The following FAM219A variants were observed in gnomAD, a reference collection of about 807,000 sequenced individuals.
The protein encoded by FAM219A is protein FAM219A.
In FAM219A, 7 loss-of-function variants were observed where a neutral mutation model predicts 23.4. The observed-to-expected ratio is 0.30, with a 90% confidence interval of 0.17 to 0.56. The LOEUF (loss-of-function observed/expected upper bound fraction) is 0.56, where lower values mean the gene tolerates loss of function less well. Ranked by LOEUF, FAM219A falls within the 20% of genes least tolerant of loss-of-function variation. The pLI is 0.92. For missense variants in FAM219A, 166 were observed against 246.9 expected, an observed-to-expected ratio of 0.67 and a Z score of 2.20; for synonymous variants, 93 against 99.0, an observed-to-expected ratio of 0.94 and a Z score of 0.36.
chr9:34,437,911 A>G (rs562630723), intron 1 of FAM219A, among the ~76,000 whole-genome samples: 167 of 152,292 alleles, frequency 1.1e-3, no homozygotes, highest in Non-Finnish European at 1.8e-3. Flanking sequence ...CTCAGCTTGC[A>G]GGGAGGTGTG....
Position 34,458,180 on chromosome 9 carries a change from C to T in FAM219A, c.60+24G>A. ...CAAGCGACGCCCCCTCCGGCCTTGG[C>T]CTGCCCGCCGCCCGCCCCCTCACCA... On this transcript the variant is annotated intron_variant, in intron 1 of 5. Coordinates refer to ENST00000651358, the MANE Select transcript of FAM219A (RefSeq NM_001184940.2). The surrounding 1 kb of genome is among the most constrained non-coding windows in gnomAD (Gnocchi z 6.6). 6.3e-7 allele frequency: 1 copy of T among 1,576,716 alleles called. No individual in the cohort carries two copies. Among genetic ancestry groups the T allele is most frequent in the Non-Finnish European group, 8.6e-7 (1 of 1,167,744 alleles).
chr9:34,448,463 T>C (rs1318214013), intron 1 of FAM219A, among the ~76,000 whole-genome samples: 1 of 152,212 alleles, frequency 6.6e-6, no homozygotes, highest in Non-Finnish European at 1.5e-5. Context: ...CAACTACTGA[T>C]CAAGGGGCAT....
At chr9:34,401,529 G>A (rs1331884110) in intron 5 of FAM219A, 137 bp downstream of exon 5, 34 of 967,876 alleles carry the variant, frequency 3.5e-5, no homozygotes, top group South Asian at 2.9e-4. Flanking sequence ...CCTATCCCAG[G>A]CCCACCCTGT....
intron 1 of FAM219A, among the ~76,000 whole-genome samples, chr9:34,434,802 A>G (rs187290197): frequency 8.6e-5 from 13 of 150,378 alleles, no homozygotes; most frequent in South Asian, 8.4e-4. Flanking sequence ...TATCTGCTCA[A>G]TGTTGATGGT....
chr9:34,407,167 T>C (rs971353608), intron 1 of FAM219A, among the ~76,000 whole-genome samples: 2 of 151,996 alleles, frequency 1.3e-5, no homozygotes, highest in Admixed American at 1.3e-4. Flanking sequence ...TCCAGGGCCG[T>C]GCAAGTGGCT....
chr9:34,402,651 A>T (rs1821489845), intron 3 of FAM219A, 54 bp downstream of exon 3: 1 of 1,594,522 alleles, frequency 6.3e-7, no homozygotes. Context: ...GCTCAGGACC[A>T]GCAGAAATAG....
intron 1 of FAM219A, among the ~76,000 whole-genome samples, chr9:34,454,229 AGATT>A (rs1458146621): frequency 1.3e-5 from 2 of 152,204 alleles, no homozygotes; most frequent in Non-Finnish European, 2.9e-5. Context: ...TGAGGTCGAG[AGATT>A]GATACCATCC....
intron 1 of FAM219A, among the ~76,000 whole-genome samples, chr9:34,418,564 T>TG (rs1822124548): frequency 6.6e-6 from 1 of 152,236 alleles, no homozygotes; most frequent in Non-Finnish European, 1.5e-5. Context: ...CTCCTGGCCC[T>TG]CATCCCCTTA....
intron 4 of FAM219A, 156 bp downstream of exon 4, chr9:34,402,231 T>TA: frequency 1.9e-6 from 3 of 1,598,540 alleles, no homozygotes; most frequent in Non-Finnish European, 2.6e-6. Flanking sequence ...GTCCCTGGTG[T>TA]AAAAAAATTC....
intron 1 of FAM219A, among the ~76,000 whole-genome samples, chr9:34,438,081 G>A (rs932381760): frequency 6.6e-6 from 1 of 152,230 alleles, no homozygotes; most frequent in Non-Finnish European, 1.5e-5. Flanking sequence ...CAGTGGCTAC[G>A]GAGGGTGTAC....
intron 1 of FAM219A, among the ~76,000 whole-genome samples, chr9:34,449,546 C>T (rs886928657): frequency 3.9e-5 from 6 of 152,170 alleles, no homozygotes; most frequent in African/African-American, 1.4e-4. Context: ...AGCAACATCC[C>T]ATTAGACACT....
chr9:34,434,831 T>TC (rs922366608), intron 1 of FAM219A, among the ~76,000 whole-genome samples: 1 of 152,128 alleles, frequency 6.6e-6, no homozygotes, highest in Non-Finnish European at 1.5e-5. Context: ...TTTCTTTCTT[T>TC]TTTTTTGAGA....
intron 1 of FAM219A, 148 bp from the exon 2 acceptor site, chr9:34,406,112 G>C (rs949991323): frequency 1.1e-6 from 1 of 949,412 alleles, no homozygotes; most frequent in Non-Finnish European, 1.5e-6. Context: ...GGGAGAGAGG[G>C]GCAGACCCAT....
At chr9:34,451,618 G>A (rs1341331612) in intron 1 of FAM219A, among the ~76,000 whole-genome samples, 1 of 152,156 alleles carries the variant, frequency 6.6e-6, no homozygotes. Flanking sequence ...GAAGAAGCCT[G>A]TTTTCCATTT....
intron 1 of FAM219A, among the ~76,000 whole-genome samples, chr9:34,424,912 C>G (rs1822401729): frequency 6.6e-6 from 1 of 152,132 alleles, no homozygotes; most frequent in Non-Finnish European, 1.5e-5. Flanking sequence ...CTCAAGCAAC[C>G]TGCCACCTTA....
intron 1 of FAM219A, among the ~76,000 whole-genome samples, chr9:34,437,895 G>A (rs558106378): frequency 5.3e-5 from 8 of 152,350 alleles, no homozygotes; most frequent in East Asian, 1.9e-4. Flanking sequence ...GGCCAGAGCC[G>A]GCTCCCTCAG....
intron 1 of FAM219A, among the ~76,000 whole-genome samples, chr9:34,449,470 T>C (rs550733322): frequency 4.0e-4 from 61 of 152,358 alleles, no homozygotes; most frequent in African/African-American, 1.4e-3. Context: ...GGTATTTGCC[T>C]GTGCACCTAA....
At position 34,400,877 on chromosome 9, in the gene FAM219A, G is replaced by T; in HGVS notation, c.*87C>A. 1 of 1,369,620 alleles carries T rather than the reference G, an allele frequency of 7.3e-7. No homozygotes were observed. Among genetic ancestry groups the T allele is most frequent in the Non-Finnish European group, 9.6e-7 (1 of 1,044,264 alleles). 84.8% of individuals were successfully genotyped at this position (1,369,620 alleles called of 1,614,324 possible). On this transcript the variant is annotated 3_prime_UTR_variant, in exon 6 of 6. Transcript: ENST00000651358. ...CTGTAGGGGCGCGGGGCCGGGGGCAGGCAGACGAGCTGGGAAGGGGTCGGC... is the reference window on the plus strand; with the variant it reads ...CTGTAGGGGCGCGGGGCCGGGGGCATGCAGACGAGCTGGGAAGGGGTCGGC...
At position 34,432,368 on chromosome 9, in the gene FAM219A, A is replaced by G. The variant is rs1588058020; in HGVS notation, c.60+25836T>C. Among the ~76,000 whole-genome samples the G allele has an allele frequency of 2.0e-5, 3 of 152,310 alleles. 1 individual carries two copies. Among genetic ancestry groups the G allele is most frequent in the Admixed American group, 2.0e-4 (3 of 15,298 alleles). On this transcript the variant is annotated intron_variant, in intron 1 of 5. Transcript: ENST00000651358. ...TAACACTGTTCTCCCTGCAGTCAGCACTGAGCTCCTGGTTAAAAGCCAATG... is the reference window on the plus strand; with the variant it reads ...TAACACTGTTCTCCCTGCAGTCAGCGCTGAGCTCCTGGTTAAAAGCCAATG...
Sources: allele counts gnomAD v4.1 joint callset (sites outside exome capture counted in the v4.1 genomes callset), GRCh38; gene constraint gnomAD v4.1.1; non-coding constraint Gnocchi (gnomAD v3.1); transcripts MANE v1.5; gene names NCBI Gene and HGNC (gene_info 2026-07-23, HGNC 2026-07-21).